Variants in BNC2 observed in about 807,000 individuals in gnomAD.
The protein encoded by BNC2 is zinc finger protein basonuclin-2.
In BNC2, 20 loss-of-function variants were observed where a neutral mutation model predicts 76.3. The observed-to-expected ratio is 0.26, with a 90% CI of 0.18 to 0.38. The LOEUF (loss-of-function observed/expected upper bound fraction) is 0.38, where lower values mean the gene tolerates loss of function less well. Among genes scored for constraint, BNC2 ranks in the 10% least tolerant of loss-of-function variants. BNC2 has a pLI of 1.00. For missense variants in BNC2, 1,382 were observed against 1,399.8 expected (o/e 0.99, Z 0.20); for synonymous variants, 582 against 514.8 (o/e 1.13, Z -1.77).
chr9:16,823,136 CTTTGT>C (rs1197820067), intron 1 of BNC2, among the ~76,000 whole-genome samples: 3 of 152,058 alleles, frequency 2.0e-5, no homozygotes, highest in South Asian at 2.1e-4. Flanking sequence ...AACTAAGTTG[CTTTGT>C]TTTATTTACA....
chr9:16,676,113 C>A (rs968418021), intron 3 of BNC2, among the ~76,000 whole-genome samples: 21 of 152,104 alleles, frequency 1.4e-4, no homozygotes, highest in African/African-American at 5.1e-4. Context: ...TGAAAAAATA[C>A]TGATCCTAAA....
chr9:16,706,529 C>T (rs375470218), intron 3 of BNC2, among the ~76,000 whole-genome samples: 3 of 152,072 alleles, frequency 2.0e-5, no homozygotes, highest in African/African-American at 7.2e-5. Context: ...AAGAGAATAC[C>T]CTAAAATACA....
At chr9:16,615,964 G>C (rs930989996) in intron 3 of BNC2, among the ~76,000 whole-genome samples, 2 of 152,168 alleles carry the variant, frequency 1.3e-5, no homozygotes, top group African/African-American at 4.8e-5. Context: ...AATGGAAAAA[G>C]TGGAATTCAA....
intron 1 of BNC2, among the ~76,000 whole-genome samples, chr9:16,745,266 G>A (rs1407473766): frequency 6.6e-6 from 1 of 152,206 alleles, no homozygotes; most frequent in Non-Finnish European, 1.5e-5. Context: ...CACAGGCCAA[G>A]TTTGGCTTCA....
At chr9:16,619,846 A>G (rs1416040491) in intron 3 of BNC2, among the ~76,000 whole-genome samples, 4 of 152,190 alleles carry the variant, frequency 2.6e-5, no homozygotes, top group Non-Finnish European at 5.9e-5. Context: ...AGGGGATTTT[A>G]AAAAAGAAAG....
intron 3 of BNC2, chr9:16,685,623 T>A: frequency 7.7e-7 from 1 of 1,304,210 alleles, no homozygotes; most frequent in Non-Finnish European, 1.0e-6. Flanking sequence ...TACATGCCAA[T>A]GGAACCTGAG....
intron 5 of BNC2, among the ~76,000 whole-genome samples, chr9:16,468,525 A>T (rs1028962822): frequency 3.3e-5 from 5 of 151,706 alleles, no homozygotes; most frequent in Admixed American, 6.6e-5. Flanking sequence ...CCTCCCGAAT[A>T]GCTGGGACTA....
At chr9:16,789,221 G>A (rs769956915) in intron 1 of BNC2, among the ~76,000 whole-genome samples, 64 of 152,192 alleles carry the variant, frequency 4.2e-4, no homozygotes, top group Non-Finnish European at 7.6e-4. Flanking sequence ...GGGACTGGGG[G>A]TGGGAGGAGT....
intron 5 of BNC2, among the ~76,000 whole-genome samples, chr9:16,491,835 G>A (rs968235432): frequency 3.3e-5 from 5 of 152,096 alleles, no homozygotes; most frequent in African/African-American, 4.8e-5. Flanking sequence ...GTATGCTTAC[G>A]CTACCAGATT....
At chr9:16,727,655 A>T (rs1301922004) in intron 3 of BNC2, 142 bp downstream of exon 3, 1 of 710,610 alleles carries the variant, frequency 1.4e-6, no homozygotes, top group Non-Finnish European at 2.3e-6. Flanking sequence ...TAACACAGTT[A>T]TGACAAAACA....
intron 3 of BNC2, among the ~76,000 whole-genome samples, chr9:16,597,254 T>C (rs1270235478): frequency 6.6e-6 from 1 of 152,196 alleles, no homozygotes; most frequent in South Asian, 2.1e-4. Flanking sequence ...GCCTTACTGG[T>C]GCTCTCTGAA....
chr9:16,828,655 T>C (rs1215660908), intron 1 of BNC2, among the ~76,000 whole-genome samples: 2 of 152,170 alleles, frequency 1.3e-5, no homozygotes, highest in Non-Finnish European at 2.9e-5. Context: ...TATTAAACCA[T>C]ATGCTCATTG....
At chr9:16,719,362 A>G (rs546480659) in intron 3 of BNC2, among the ~76,000 whole-genome samples, 4 of 152,262 alleles carry the variant, frequency 2.6e-5, no homozygotes, top group African/African-American at 9.6e-5. Context: ...AATTATTAAA[A>G]TCCTCTAATG....
chr9:16,709,312 G>A (rs1823767512), intron 3 of BNC2, among the ~76,000 whole-genome samples: 1 of 152,188 alleles, frequency 6.6e-6, no homozygotes, highest in Admixed American at 6.5e-5. Flanking sequence ...CAGAAGAGAA[G>A]GAATAACTTG....
chr9:16,458,597 A>C (rs1364276426), intron 5 of BNC2, among the ~76,000 whole-genome samples: 2 of 152,340 alleles, frequency 1.3e-5, no homozygotes, highest in East Asian at 3.9e-4. Context: ...ATTTTTAAAA[A>C]ACAATCCGCC....
rs545275296 is a variant in BNC2, at chr9:16,556,233, T to C, written c.434-3468A>G. ...TGGGCCCTGGGGGTCAAGGCTGCAG[T>C]GGAGCAATGATTGTGCCACTGCACT... is the stretch of plus-strand genomic sequence containing the variant. On this transcript the variant is annotated intron_variant, in intron 4 of 6. Transcript: ENST00000380672. Among the ~76,000 whole-genome samples the C allele has an allele frequency of 4.0e-5, 6 of 151,844 alleles. No homozygotes were observed. In the South Asian group the frequency reaches 1.3e-3, roughly 32 times the overall value.
At chr9:16,531,561 G>A (rs1340410513) in intron 5 of BNC2, among the ~76,000 whole-genome samples, 3 of 151,734 alleles carry the variant, frequency 2.0e-5, no homozygotes, top group Non-Finnish European at 4.4e-5. Flanking sequence ...GTTATCAGTA[G>A]GTTCCATTTT....
chr9:16,609,333 GA>G (rs922543115), intron 3 of BNC2, among the ~76,000 whole-genome samples: 2 of 152,060 alleles, frequency 1.3e-5, no homozygotes, highest in African/African-American at 4.8e-5. Flanking sequence ...ATTTCCAATA[GA>G]GGGGGGGAAA....
chr9:16,862,915 ATTTT>A (rs35319962), intron 1 of BNC2, among the ~76,000 whole-genome samples: 33 of 142,650 alleles, frequency 2.3e-4, no homozygotes, highest in Admixed American at 4.2e-4. Context: ...ATATAGATAG[ATTTT>A]TTTTTTTTTT....
Sources: gnomAD v4.1 joint callset for allele counts (sites outside exome capture counted in the v4.1 genomes callset) on GRCh38, gnomAD v4.1.1 for gene constraint, MANE v1.5 for transcripts, NCBI Gene and HGNC (gene_info 2026-07-23, HGNC 2026-07-21) for gene names.